Variants in GPC3 observed in about 807,000 individuals in gnomAD.
The protein encoded by GPC3 is glypican 3, also known as glypican-3.
A neutral mutation model predicts 34.4 loss-of-function variants in GPC3; 3 were observed. The observed-to-expected ratio is 0.09, with a 90% CI of 0.04 to 0.23. The LOEUF (loss-of-function observed/expected upper bound fraction) is 0.23. Ranked by LOEUF, GPC3 falls within the 10% of genes least tolerant of loss-of-function variation. The probability of loss-of-function intolerance (pLI) is 1.00; values close to 1 mark genes in which losing one functional copy is unlikely to be tolerated. For synonymous variants in GPC3, 177 were observed against 174.0 expected (o/e 1.02, Z -0.13); for missense variants, 351 against 445.6 (o/e 0.79, Z 1.91).
chrX:133,669,996 A>C (rs1460491023), intron 5 of GPC3, among the ~76,000 whole-genome samples: 1 of 111,241 alleles, frequency 9.0e-6, no homozygotes, highest in Non-Finnish European at 1.9e-5. Flanking sequence ...GCAGGGAAAA[A>C]CCTGCGCAAA....
chrX:133,800,309 C>T (rs1250097061), intron 2 of GPC3, among the ~76,000 whole-genome samples: 5 of 112,690 alleles, frequency 4.4e-5, no homozygotes, highest in African/African-American at 1.6e-4. Flanking sequence ...AAATGTATCA[C>T]AGAAATGTCC....
intron 2 of GPC3, among the ~76,000 whole-genome samples, chrX:133,827,944 C>CAAAAAAAAA (rs760699432): frequency 2.8e-5 from 1 of 36,019 alleles, no homozygotes; most frequent in Non-Finnish European, 4.6e-5. Context: ...AACTCCATCC[C>CAAAAAAAAA]AAAAAAAAAA....
chrX:133,724,855 C>T (rs2071395321), intron 3 of GPC3, among the ~76,000 whole-genome samples: 1 of 112,245 alleles, frequency 8.9e-6, no homozygotes, highest in Non-Finnish European at 1.9e-5. Flanking sequence ...AAAGGTAATA[C>T]TTGGACAAGA....
chrX:133,556,152 C>A (rs2069487256), intron 7 of GPC3, among the ~76,000 whole-genome samples: 1 of 111,517 alleles, frequency 9.0e-6, no homozygotes, highest in African/African-American at 3.3e-5. Flanking sequence ...CCTGTTTTGT[C>A]CCCTCTCAAA....
chrX:133,547,288 A>T (rs935990467), intron 7 of GPC3, among the ~76,000 whole-genome samples: 1 of 111,944 alleles, frequency 8.9e-6, no homozygotes, highest in Non-Finnish European at 1.9e-5. Flanking sequence ...ATAAAAAATA[A>T]AAATTGGTTA....
intron 2 of GPC3, among the ~76,000 whole-genome samples, chrX:133,826,753 C>G (rs749598305): frequency 4.2e-4 from 47 of 111,449 alleles, no homozygotes; most frequent in Non-Finnish European, 7.7e-4. Context: ...CATAATGAAA[C>G]CTTTGAAAAA....
rs1166218378 is a variant in GPC3 at position 133,954,738 on chromosome X, CTTTTTTT to C, written c.176-1534_176-1528del. On this transcript the variant is annotated intron_variant, in intron 1 of 7. Transcript: ENST00000370818. ...AACTTCTGTCTTACTCAAACTTTCT[CTTTTTTT>C]TTTTTTTTTTTTTTTTTTTGAGATG... is the stretch of plus-strand genomic sequence containing the variant. Among the ~76,000 whole-genome samples the C allele has an allele frequency of 2.0e-4, 11 of 53,774 alleles. No homozygotes were observed. The East Asian group carries it at 2.4e-3, about 12-fold the overall frequency. The allele number at this position is 53,774 out of a possible 115,157, so 46.7% of individuals were successfully genotyped here. A position where few individuals can be genotyped will look rare whatever the true frequency, so the allele number is the denominator to read the frequency against.
At chrX:133,868,467 C>A (rs917892523) in intron 2 of GPC3, among the ~76,000 whole-genome samples, 1 of 112,315 alleles carries the variant, frequency 8.9e-6, no homozygotes, top group Non-Finnish European at 1.9e-5. Context: ...TTACTATGGG[C>A]AAGGCACTGG....
intron 5 of GPC3, among the ~76,000 whole-genome samples, chrX:133,665,589 A>T (rs2070761075): frequency 1.8e-5 from 2 of 112,324 alleles, no homozygotes; most frequent in South Asian, 7.3e-4. Context: ...ATTTGATTGC[A>T]TTTCTTCTAA....
At chrX:133,819,404 G>T (rs767931997) in intron 2 of GPC3, among the ~76,000 whole-genome samples, 1 of 109,159 alleles carries the variant, frequency 9.2e-6, no homozygotes, top group African/African-American at 3.3e-5. Flanking sequence ...AGCAATCTTT[G>T]ACATAGAGTA....
intron 3 of GPC3, among the ~76,000 whole-genome samples, chrX:133,736,866 T>C (rs767102437): frequency 1.8e-5 from 2 of 112,223 alleles, no homozygotes; most frequent in South Asian, 7.4e-4. Context: ...TTTGAAATAG[T>C]TGAATTGATG....
At chrX:133,915,195 T>C (rs1485320871) in intron 2 of GPC3, among the ~76,000 whole-genome samples, 2 of 109,603 alleles carry the variant, frequency 1.8e-5, no homozygotes, top group Non-Finnish European at 3.8e-5. Context: ...ATTTTTGAGA[T>C]GGAGGTTCGC....
chrX:133,840,150 T>G (rs989329922), intron 2 of GPC3, among the ~76,000 whole-genome samples: 8 of 110,926 alleles, frequency 7.2e-5, no homozygotes, highest in African/African-American at 2.6e-4. Flanking sequence ...ATATCCTTTA[T>G]AGATACTTCA....
chrX:133,561,685 T>A (rs1421408730), intron 7 of GPC3, among the ~76,000 whole-genome samples: 1 of 112,298 alleles, frequency 8.9e-6, no homozygotes, highest in African/African-American at 3.2e-5. Context: ...TCATCCTATT[T>A]ACATTTCTTC....
chrX:133,779,073 G>A (rs1433893252), intron 2 of GPC3, among the ~76,000 whole-genome samples: 1 of 111,885 alleles, frequency 8.9e-6, no homozygotes, highest in African/African-American at 3.3e-5. Context: ...GAGGCTAAGT[G>A]ACTTGCTTGA....
chrX:133,645,716 C>G (rs960811683), intron 6 of GPC3, among the ~76,000 whole-genome samples: 1 of 111,407 alleles, frequency 9.0e-6, no homozygotes, highest in Non-Finnish European at 1.9e-5. Flanking sequence ...GCTACTTGGT[C>G]TTGATCACTG....
chrX:133,874,097 C>T (rs2076005615), intron 2 of GPC3, among the ~76,000 whole-genome samples: 1 of 111,691 alleles, frequency 9.0e-6, no homozygotes, highest in Non-Finnish European at 1.9e-5. Context: ...ATCCTATCTT[C>T]CTTCTTGTAA....
At chrX:133,817,117 A>G (rs768613289) in intron 2 of GPC3, among the ~76,000 whole-genome samples, 48 of 111,805 alleles carry the variant, frequency 4.3e-4, no homozygotes, top group Non-Finnish European at 7.3e-4. Flanking sequence ...ACTTTTTGCT[A>G]GTATAATACC....
chrX:133,624,890 G>A (rs1411285357), intron 6 of GPC3, among the ~76,000 whole-genome samples: 1 of 111,020 alleles, frequency 9.0e-6, no homozygotes, highest in Non-Finnish European at 1.9e-5. Flanking sequence ...CAATATCCCT[G>A]ATGAACATTG....
Sources: allele counts gnomAD v4.1 joint callset (sites outside exome capture counted in the v4.1 genomes callset), GRCh38; gene constraint gnomAD v4.1.1; transcripts MANE v1.5; gene names NCBI Gene and HGNC (gene_info 2026-07-23, HGNC 2026-07-21).